Variants in ADK observed in about 807,000 individuals in gnomAD.
ADK encodes adenosine kinase, also known as N6,N6-dimethyladenosine kinase.
A neutral mutation model predicts 44.7 loss-of-function variants in ADK; 24 were observed. The ratio of observed to expected loss-of-function variants is 0.54; its 90% CI spans 0.39 to 0.76. ADK has a LOEUF of 0.76. Ranked by LOEUF, ADK falls within the 30% of genes least tolerant of loss-of-function variation. The pLI is 0.00. For synonymous variants in ADK, 128 were observed against 142.6 expected (o/e 0.90, Z 0.73); for missense variants, 321 against 425.1 (o/e 0.76, Z 2.15).
chr10:74,227,434 G>C (rs943456376), intron 3 of ADK, among the ~76,000 whole-genome samples: 1 of 152,110 alleles, frequency 6.6e-6, no homozygotes, highest in African/African-American at 2.4e-5. Flanking sequence ...GAGTGGCCTG[G>C]CATGGTGGTT....
rs138980200 is a variant in ADK at position 74,644,469 on chromosome 10, A to G, written c.878-25714A>G. The stretch of plus-strand genomic sequence containing the variant: ...TCTCAATTTAGGATTTAAACCAAGT[A>G]TAAACAAAAAGTTAAAACAAGCTAT... On this transcript the variant is annotated intron_variant, in intron 9 of 10. Transcript: ENST00000539909. Among the ~76,000 whole-genome samples, 154 of 152,354 alleles carry G rather than the reference A, an allele frequency of 1.0e-3. 1 individual carries two copies. The highest frequency in any genetic ancestry group is 3.6e-3 in the African/African-American group (150 of 41,584).
chr10:74,373,631 C>T (rs1842736080), intron 4 of ADK, among the ~76,000 whole-genome samples: 1 of 152,138 alleles, frequency 6.6e-6, no homozygotes, highest in South Asian at 2.1e-4. Flanking sequence ...CATTTCACTC[C>T]TGCTAGGATG....
At chr10:74,587,338 A>G (rs747540751) in intron 7 of ADK, among the ~76,000 whole-genome samples, 2 of 152,216 alleles carry the variant, frequency 1.3e-5, no homozygotes, top group African/African-American at 2.4e-5. Flanking sequence ...ATTTTTGTCT[A>G]CATGAACTAA....
At chr10:74,188,842 C>T (rs920374690) in intron 1 of ADK, among the ~76,000 whole-genome samples, 11 of 151,990 alleles carry the variant, frequency 7.2e-5, no homozygotes, top group East Asian at 1.9e-4. Context: ...GTACGATCTT[C>T]GTTTACTGCA....
chr10:74,585,734 C>T (rs941310215), intron 7 of ADK, among the ~76,000 whole-genome samples: 1 of 152,186 alleles, frequency 6.6e-6, no homozygotes, highest in Admixed American at 6.5e-5. Context: ...TCTATTCTAA[C>T]CCGAGCTGTT....
At chr10:74,598,768 A>G (rs1271847195) in intron 8 of ADK, among the ~76,000 whole-genome samples, 1 of 152,068 alleles carries the variant, frequency 6.6e-6, no homozygotes, top group African/African-American at 2.4e-5. Flanking sequence ...TTCTTAATTT[A>G]TTCCTTATAT....
chr10:74,617,200 T>A (rs984460916), intron 9 of ADK, among the ~76,000 whole-genome samples: 2 of 152,192 alleles, frequency 1.3e-5, no homozygotes, highest in Admixed American at 1.3e-4. Flanking sequence ...GTAAGACATG[T>A]AGAATACAAG....
chr10:74,437,657 T>G (rs562196712), intron 6 of ADK, among the ~76,000 whole-genome samples: 5 of 152,342 alleles, frequency 3.3e-5, no homozygotes, highest in South Asian at 4.1e-4. Flanking sequence ...CTGACTGATC[T>G]CCTTCTACTT....
At chr10:74,354,299 ACT>A (rs1188959230) in intron 4 of ADK, among the ~76,000 whole-genome samples, 1 of 122,446 alleles carries the variant, frequency 8.2e-6, no homozygotes, top group Non-Finnish European at 1.9e-5. Context: ...AGCCTCATTG[ACT>A]CTCACGGAAG....
At position 74,637,323 on chromosome 10, in the gene ADK, G is replaced by GA. The variant is rs556819150; in HGVS notation, c.878-32851dup. On this transcript the variant is annotated intron_variant, in intron 9 of 10. Coordinates refer to ENST00000539909, the MANE Select transcript of ADK (RefSeq NM_006721.4). ...TTTTCAAAAATGACAAACTTTAAAAGAAAAAAAAATGCCTTGAATGAATGT... is the reference window on the plus strand; with the variant it reads ...TTTTCAAAAATGACAAACTTTAAAAGAAAAAAAAAATGCCTTGAATGAATGT... 4.4e-4 allele frequency among the ~76,000 whole-genome samples: 65 copies of GA among 148,842 alleles called. 1 individual carries two copies. The highest frequency in any genetic ancestry group is 3.4e-3 in the South Asian group (16 of 4,728).
intron 10 of ADK, among the ~76,000 whole-genome samples, chr10:74,673,555 C>A (rs1855261427): frequency 6.6e-6 from 1 of 152,208 alleles, no homozygotes; most frequent in Non-Finnish European, 1.5e-5. Flanking sequence ...AGACCAGTGG[C>A]AGCATCTAAG....
chr10:74,567,048 T>G (rs1158225163), intron 7 of ADK, among the ~76,000 whole-genome samples: 1 of 152,206 alleles, frequency 6.6e-6, no homozygotes, highest in Non-Finnish European at 1.5e-5. Flanking sequence ...AAAAACAGTT[T>G]GTATCTTGCC....
At chr10:74,360,167 C>G (rs1468834354) in intron 4 of ADK, among the ~76,000 whole-genome samples, 1 of 151,824 alleles carries the variant, frequency 6.6e-6, no homozygotes, top group Non-Finnish European at 1.5e-5. Context: ...TTTATTTGGT[C>G]TAGAGTATAG....
chr10:74,338,557 T>C (rs1743411504), intron 4 of ADK, among the ~76,000 whole-genome samples: 2 of 152,198 alleles, frequency 1.3e-5, no homozygotes, highest in Non-Finnish European at 2.9e-5. Context: ...AACTGTGATA[T>C]ATCTATCGAA....
At chr10:74,513,191 A>G (rs1848416709) in intron 6 of ADK, among the ~76,000 whole-genome samples, 1 of 152,118 alleles carries the variant, frequency 6.6e-6, no homozygotes, top group Non-Finnish European at 1.5e-5. Context: ...ATTGATCCTG[A>G]GACTGTTGAA....
At chr10:74,633,951 C>T (rs770490050) in intron 9 of ADK, among the ~76,000 whole-genome samples, 1 of 152,164 alleles carries the variant, frequency 6.6e-6, no homozygotes, top group Non-Finnish European at 1.5e-5. Flanking sequence ...AAAAACCATA[C>T]AGAGGTAGCC....
intron 4 of ADK, among the ~76,000 whole-genome samples, chr10:74,329,106 CAAAAAAAA>C (rs138730631): frequency 1.0e-3 from 86 of 82,124 alleles, no homozygotes; most frequent in African/African-American, 3.0e-3. Context: ...TCTGTGCAGG[CAAAAAAAA>C]AAAAAAAAAA....
intron 9 of ADK, among the ~76,000 whole-genome samples, chr10:74,656,443 G>C (rs992069621): frequency 2.6e-5 from 4 of 152,172 alleles, no homozygotes; most frequent in Non-Finnish European, 5.9e-5. Flanking sequence ...GGAGGAGGGA[G>C]GATCTGTGGG....
At chr10:74,239,177 T>C (rs1299558070) in intron 3 of ADK, among the ~76,000 whole-genome samples, 1 of 152,160 alleles carries the variant, frequency 6.6e-6, no homozygotes, top group Non-Finnish European at 1.5e-5. Context: ...TTATTTTTTT[T>C]TTCTTTTTGC....
Sources: gnomAD v4.1 joint callset for allele counts (sites outside exome capture counted in the v4.1 genomes callset) on GRCh38, gnomAD v4.1.1 for gene constraint, MANE v1.5 for transcripts, NCBI Gene and HGNC (gene_info 2026-07-23, HGNC 2026-07-21) for gene names.